The following TP63 variants were observed in gnomAD, a reference collection of about 807,000 sequenced individuals.
TP63 encodes the protein tumor protein 63.
A neutral mutation model predicts 82.8 loss-of-function variants in TP63; 17 were observed. The observed-to-expected ratio is 0.21, with a 90% CI of 0.14 to 0.31. The LOEUF (loss-of-function observed/expected upper bound fraction) is 0.31. Among genes scored for constraint, TP63 ranks in the 10% least tolerant of loss-of-function variants. The probability of loss-of-function intolerance (pLI) is 1.00; values close to 1 mark genes in which losing one functional copy is unlikely to be tolerated. For missense variants in TP63, 648 were observed against 895.3 expected, an observed-to-expected ratio of 0.72 and a Z score of 3.52; for synonymous variants, 330 against 321.7, an observed-to-expected ratio of 1.03 and a Z score of -0.28.
intron 3 of TP63, among the ~76,000 whole-genome samples, chr3:189,791,898 T>C (rs1010244403): frequency 1.3e-5 from 2 of 152,060 alleles, no homozygotes; most frequent in Admixed American, 1.3e-4. Flanking sequence ...GATTTATGTT[T>C]ATTAGTAACT....
intron 3 of TP63, among the ~76,000 whole-genome samples, chr3:189,806,344 G>T (rs1726903349): frequency 6.6e-6 from 1 of 152,106 alleles, no homozygotes; most frequent in Admixed American, 6.6e-5. Flanking sequence ...CTTTTTGTCA[G>T]GGACGGCTGC....
chr3:189,657,410 C>G (rs918906302), intron 1 of TP63, among the ~76,000 whole-genome samples: 21 of 151,952 alleles, frequency 1.4e-4, no homozygotes, highest in Non-Finnish European at 2.9e-4. Flanking sequence ...TACAATATTA[C>G]AGATTAGTGA....
At chr3:189,713,891 CA>C (rs1271291338) in intron 1 of TP63, among the ~76,000 whole-genome samples, 1 of 152,074 alleles carries the variant, frequency 6.6e-6, no homozygotes, top group East Asian at 1.9e-4. Context: ...AGAGGCTTTA[CA>C]AATCACTAAT....
intron 3 of TP63, among the ~76,000 whole-genome samples, chr3:189,770,787 A>G (rs1308302810): frequency 6.6e-6 from 1 of 152,174 alleles, no homozygotes; most frequent in Non-Finnish European, 1.5e-5. Flanking sequence ...TGATACTGCA[A>G]ATTTTCTCTT....
intron 3 of TP63, among the ~76,000 whole-genome samples, chr3:189,789,499 G>C (rs1387952290): frequency 1.3e-5 from 2 of 151,208 alleles, no homozygotes; most frequent in African/African-American, 4.9e-5. Flanking sequence ...TTTAAAGATT[G>C]GTGATAAGGA....
intron 3 of TP63, among the ~76,000 whole-genome samples, chr3:189,772,416 A>G (rs1723447388): frequency 6.6e-6 from 1 of 152,240 alleles, no homozygotes; most frequent in South Asian, 2.1e-4. Context: ...TGCTTCCTTT[A>G]GAAAGCTAGA....
intron 3 of TP63, among the ~76,000 whole-genome samples, chr3:189,761,838 G>C (rs1722599680): frequency 6.6e-6 from 1 of 152,212 alleles, no homozygotes; most frequent in African/African-American, 2.4e-5. Context: ...CATGGCTGAA[G>C]GCAAGGAGGA....
At chr3:189,755,434 AT>A (rs1722118619) in intron 3 of TP63, among the ~76,000 whole-genome samples, 1 of 152,122 alleles carries the variant, frequency 6.6e-6, no homozygotes, top group Non-Finnish European at 1.5e-5. Flanking sequence ...TCTAGAAAAG[AT>A]TTAATAAAAC....
intron 1 of TP63, among the ~76,000 whole-genome samples, chr3:189,723,158 A>C (rs906669499): frequency 6.6e-6 from 1 of 152,146 alleles, no homozygotes; most frequent in African/African-American, 2.4e-5. Context: ...GTAAAGAGTC[A>C]AGACCTTTTT....
At chr3:189,771,577 T>C (rs924656305) in intron 3 of TP63, among the ~76,000 whole-genome samples, 4 of 149,808 alleles carry the variant, frequency 2.7e-5, no homozygotes, top group South Asian at 2.1e-4. Flanking sequence ...GATACTCTCA[T>C]TTTCTTTAAT....
In TP63 at chr3:189,868,571, A is replaced by G. The variant is rs765175668; in HGVS notation, c.993-9A>G. On this transcript the variant is annotated splice_polypyrimidine_tract_variant and intron_variant, in intron 7 of 13. Coordinates refer to ENST00000264731, the MANE Select transcript of TP63 (RefSeq NM_003722.5). ...TTAACTCTTTCTTCCCCTTTATTCT[A>G]ATTCCTAGTGGGCAAGTCCTGGGCC... 1.9e-6 allele frequency: 3 copies of G among 1,613,856 alleles called. No homozygotes were observed. Among genetic ancestry groups the G allele is most frequent in the South Asian group, 2.2e-5 (2 of 91,048 alleles).
chr3:189,744,570 C>T (rs1341165367), intron 3 of TP63, among the ~76,000 whole-genome samples: 2 of 152,202 alleles, frequency 1.3e-5, no homozygotes, highest in African/African-American at 2.4e-5. Flanking sequence ...ACTGCTGCTA[C>T]CACCATAACT....
At chr3:189,887,208 CAAA>C (rs5855277) in intron 11 of TP63, among the ~76,000 whole-genome samples, 1 of 83,912 alleles carries the variant, frequency 1.2e-5, no homozygotes, top group Non-Finnish European at 2.5e-5. Context: ...GACTCAGTCT[CAAA>C]AAAAAAAAAA....
At chr3:189,745,143 A>G (rs1012234226) in intron 3 of TP63, among the ~76,000 whole-genome samples, 3 of 152,298 alleles carry the variant, frequency 2.0e-5, no homozygotes, top group Admixed American at 2.0e-4. Flanking sequence ...AGCAAATTCA[A>G]AAAAAATTGT....
chr3:189,865,007 A>C (rs1439141396), intron 5 of TP63, among the ~76,000 whole-genome samples: 4 of 141,048 alleles, frequency 2.8e-5, no homozygotes, highest in Non-Finnish European at 5.9e-5. Context: ...ACTCCATCTC[A>C]AAAATAAAAA....
chr3:189,758,606 T>C (rs532021902), intron 3 of TP63, among the ~76,000 whole-genome samples: 1 of 152,344 alleles, frequency 6.6e-6, no homozygotes, highest in South Asian at 2.1e-4. Context: ...TCATTCTTGC[T>C]CTAAAGCTTT....
At chr3:189,728,236 G>A (rs540455666) in intron 1 of TP63, among the ~76,000 whole-genome samples, 22 of 151,582 alleles carry the variant, frequency 1.5e-4, no homozygotes, top group African/African-American at 5.3e-4. Flanking sequence ...TCCCTTCTAC[G>A]GATCTGTCCA....
chr3:189,694,950 C>T (rs143220222), intron 1 of TP63, among the ~76,000 whole-genome samples: 51 of 151,378 alleles, frequency 3.4e-4, no homozygotes, highest in African/African-American at 1.1e-3. Flanking sequence ...GGATTACACA[C>T]GCCCGCCACC....
chr3:189,781,270 C>T (rs1322947874), intron 3 of TP63, among the ~76,000 whole-genome samples: 1 of 152,146 alleles, frequency 6.6e-6, no homozygotes, highest in East Asian at 1.9e-4. Context: ...AACAGTGTAG[C>T]AGAGAGGATT....
Sources: allele counts gnomAD v4.1 joint callset (sites outside exome capture counted in the v4.1 genomes callset), GRCh38; gene constraint gnomAD v4.1.1; transcripts MANE v1.5; gene names NCBI Gene and HGNC (gene_info 2026-07-23, HGNC 2026-07-21).